The following PDE1A variants were observed in gnomAD, a reference collection of about 807,000 sequenced individuals.
PDE1A encodes the protein phosphodiesterase 1A.
PDE1A carries 35 observed loss-of-function variants against 61.7 expected under a neutral mutation model. The ratio of observed to expected loss-of-function variants is 0.57; its 90% CI spans 0.43 to 0.75. The LOEUF is 0.75. Among genes scored for constraint, PDE1A ranks in the 30% least tolerant of loss-of-function variants. The pLI is 0.00. For missense variants in PDE1A, 597 were observed against 630.6 expected, an observed-to-expected ratio of 0.95 and a Z score of 0.57; for synonymous variants, 232 against 213.2, an observed-to-expected ratio of 1.09 and a Z score of -0.77.
intron 2 of PDE1A, among the ~76,000 whole-genome samples, chr2:182,449,651 T>C (rs554722670): frequency 1.3e-5 from 2 of 152,210 alleles, no homozygotes; most frequent in South Asian, 4.1e-4. Flanking sequence ...ATTTTTACCT[T>C]TATTTCTACT....
chr2:182,524,584 T>C (rs563187525), upstream of PDE1A, among the ~76,000 whole-genome samples: 91 of 152,274 alleles, frequency 6.0e-4, no homozygotes, highest in African/African-American at 2.0e-3. Flanking sequence ...ATCATTTCAT[T>C]AAATGTTTCA....
At chr2:182,705,878 C>T in the PDE1A span, among the ~76,000 whole-genome samples, 1 of 152,140 alleles carries the variant, frequency 6.6e-6, no homozygotes, top group Non-Finnish European at 1.5e-5. Context: ...TATTTAGTTG[C>T]AGAATATTAC....
the PDE1A span, among the ~76,000 whole-genome samples, chr2:182,565,173 T>C: frequency 9.2e-5 from 14 of 152,312 alleles, no homozygotes; most frequent in African/African-American, 3.1e-4. Flanking sequence ...TCTTTCCCCA[T>C]CTTTGTGGTT....
the PDE1A span, among the ~76,000 whole-genome samples, chr2:182,662,451 A>G: frequency 6.6e-6 from 1 of 152,164 alleles, no homozygotes; most frequent in Non-Finnish European, 1.5e-5. Flanking sequence ...CTACAGGGCT[A>G]CAGTAACCAA....
chr2:182,700,740 A>C, the PDE1A span, among the ~76,000 whole-genome samples: 3 of 134,188 alleles, frequency 2.2e-5, no homozygotes, highest in African/African-American at 8.0e-5. Context: ...AAAAAAAAAA[A>C]CAGAAAGAAA....
At chr2:182,512,224 G>T (rs372824925) in intron 2 of PDE1A, among the ~76,000 whole-genome samples, 2 of 152,126 alleles carry the variant, frequency 1.3e-5, no homozygotes, top group Admixed American at 1.3e-4. Flanking sequence ...CAGTGAACTG[G>T]AAACACCTCA....
intron 2 of PDE1A, among the ~76,000 whole-genome samples, chr2:182,446,634 C>T (rs1270825041): frequency 1.3e-5 from 2 of 152,110 alleles, no homozygotes; most frequent in Non-Finnish European, 2.9e-5. Context: ...GAACAATTAA[C>T]AAACTTGCTA....
At chr2:182,322,758 G>T (rs1345969764) in intron 1 of PDE1A, among the ~76,000 whole-genome samples, 4 of 152,114 alleles carry the variant, frequency 2.6e-5, no homozygotes, top group African/African-American at 9.7e-5. Flanking sequence ...TTTAGTAAAA[G>T]AATTTGTAGA....
downstream of PDE1A, chr2:182,167,752 C>T: frequency 3.3e-6 from 1 of 305,798 alleles, no homozygotes; most frequent in Non-Finnish European, 4.8e-6. Context: ...CCCTGCCATT[C>T]ACTCTCACTA....
At chr2:182,608,577 G>A in the PDE1A span, among the ~76,000 whole-genome samples, 18 of 152,204 alleles carry the variant, frequency 1.2e-4, no homozygotes, top group Non-Finnish European at 1.8e-4. Context: ...GGCAGTGAGG[G>A]GCTTAGCACC....
the PDE1A span, among the ~76,000 whole-genome samples, chr2:182,638,606 A>G: frequency 7.2e-5 from 11 of 152,332 alleles, 1 homozygote; most frequent in South Asian, 1.9e-3. Context: ...ATGTCACACA[A>G]AGGTATCAGG....
At chr2:182,251,489 C>T (rs1691398769) in intron 2 of PDE1A, among the ~76,000 whole-genome samples, 1 of 152,108 alleles carries the variant, frequency 6.6e-6, no homozygotes, top group African/African-American at 2.4e-5. Context: ...TTAGCATCAC[C>T]TGGGAACTTG....
chr2:182,213,319 A>C (rs113901729), intron 7 of PDE1A, among the ~76,000 whole-genome samples: 22,531 of 91,912 alleles, frequency 0.25, 2,300 homozygotes, highest in East Asian at 0.46. Flanking sequence ...GATGGGGAAA[A>C]AACAGAACAG....
At chr2:182,176,974 A>G (rs1279972171) in intron 13 of PDE1A, among the ~76,000 whole-genome samples, 6 of 149,762 alleles carry the variant, frequency 4.0e-5, no homozygotes, top group Non-Finnish European at 8.9e-5. Context: ...CTCTGTTTAT[A>G]TGCTGGATTA....
chr2:182,555,965 C>CAAAAAAAAAAAA, the PDE1A span, among the ~76,000 whole-genome samples: 10 of 48,438 alleles, frequency 2.1e-4, no homozygotes, highest in African/African-American at 1.0e-3. Context: ...AACTCCATCT[C>CAAAAAAAAAAAA]AAAAAAAAAA....
chr2:182,427,298 A>T (rs1703682333), upstream of PDE1A, among the ~76,000 whole-genome samples: 1 of 152,118 alleles, frequency 6.6e-6, no homozygotes, highest in East Asian at 1.9e-4. Context: ...CATTTTTAGC[A>T]CTTATAATCT....
At chr2:182,244,367 TAAAA>T (rs72140380) in intron 2 of PDE1A, among the ~76,000 whole-genome samples, 107,032 of 150,606 alleles carry the variant, frequency 0.71, 38,493 homozygotes, top group African/African-American at 0.83. Flanking sequence ...TTTCTTTTTT[TAAAA>T]AAACTTTAAA....
intron 1 of PDE1A, among the ~76,000 whole-genome samples, chr2:182,414,929 T>C (rs35852909): frequency 0.017 from 2,559 of 152,298 alleles, 30 homozygotes; most frequent in South Asian, 0.029. Context: ...AAAGAAATTT[T>C]ACATAATGTT....
intron 1 of PDE1A, among the ~76,000 whole-genome samples, chr2:182,330,100 T>G (rs1697306074): frequency 6.6e-6 from 1 of 152,110 alleles, no homozygotes; most frequent in Non-Finnish European, 1.5e-5. Flanking sequence ...TCCCACCACT[T>G]TGGGAGGCTG....
Sources: gnomAD v4.1 joint callset for allele counts (sites outside exome capture counted in the v4.1 genomes callset) on GRCh38, gnomAD v4.1.1 for gene constraint, MANE v1.5 for transcripts, NCBI Gene and HGNC (gene_info 2026-07-23, HGNC 2026-07-21) for gene names.